GNB5: variants seen among roughly 807,000 people sequenced by gnomAD.
GNB5 encodes the protein G protein subunit beta 5, also known as guanine nucleotide-binding protein subunit beta-5.
GNB5 carries 37 observed loss-of-function variants against 55.3 expected under a neutral mutation model. That is an observed-to-expected ratio of 0.67 (90% CI 0.51 to 0.88). The LOEUF (loss-of-function observed/expected upper bound fraction) is 0.88, where lower values mean the gene tolerates loss of function less well. GNB5 is among the 40% of genes least tolerant of loss of function. GNB5 has a pLI of 0.00. For missense variants in GNB5, 476 were observed against 515.3 expected (o/e 0.92, Z 0.74); for synonymous variants, 219 against 198.5 (o/e 1.10, Z -0.87).
chr15:52,152,842 C>G (rs2034128389), intron 4 of GNB5, among the ~76,000 whole-genome samples: 1 of 152,154 alleles, frequency 6.6e-6, no homozygotes, highest in African/African-American at 2.4e-5. Context: ...ACCATTTGGT[C>G]TCGAACTCCT....
intron 7 of GNB5, chr15:52,136,937 C>T (rs2033739192): frequency 2.2e-6 from 1 of 447,538 alleles, no homozygotes; most frequent in African/African-American, 2.0e-5. Flanking sequence ...CAGAAAATAC[C>T]TGCTCCTGGG....
In GNB5 at chr15:52,145,953, CTT is replaced by C. The variant is rs937011704; in HGVS notation, c.494+1504_494+1505del. Reference sequence around the variant, plus strand: ...GTTCCTCCCAGCCTTTATAATATGACTTTTTTTTTTTTTTTTTTTTTGAGATG... The same window carrying C: ...GTTCCTCCCAGCCTTTATAATATGACTTTTTTTTTTTTTTTTTTTGAGATG... On this transcript the variant is annotated intron_variant, in intron 6 of 12. Transcript: ENST00000261837. 3.7e-3 allele frequency among the ~76,000 whole-genome samples: 474 copies of C among 127,490 alleles called. 4 individuals carry two copies. The East Asian group carries it at 0.056, about 15-fold the overall frequency. 83.6% of individuals were successfully genotyped at this position (127,490 alleles called of 152,430 possible).
chr15:52,188,003 CA>C (rs983889185), intron 1 of GNB5, among the ~76,000 whole-genome samples: 9 of 151,508 alleles, frequency 5.9e-5, no homozygotes, highest in Non-Finnish European at 5.9e-5. Context: ...CAGAAGGACA[CA>C]AAAAGGGGAA....
At chr15:52,165,452 C>A (rs1327871026) in intron 3 of GNB5, among the ~76,000 whole-genome samples, 1 of 152,198 alleles carries the variant, frequency 6.6e-6, no homozygotes, top group East Asian at 1.9e-4. Context: ...ATGTTAAGGG[C>A]AGCCAGAGAG....
rs139634938 is a variant in GNB5, at chr15:52,135,621, C to T, written c.763G>A (p.Val255Met). ...TTCCACTGGGTCTTTACCCCAGACA[C>T]GAAGGTGTTTCCAGTTTCTGAGGGG... ...LAPSETGNTF[V>M]SGGCDKKAMV... The change falls in exon 8 of 13, where the codon GTG becomes ATG. Residue 255 changes from valine to methionine, a missense_variant. By Grantham distance (21) the Val-to-Met change is conservative (BLOSUM62 1). Transcript: ENST00000261837. 2.5e-6 allele frequency: 4 copies of T among 1,613,756 alleles called. No individual in the cohort carries two copies. Among genetic ancestry groups the T allele is most frequent in the Non-Finnish European group, 2.5e-6 (3 of 1,179,818 alleles).
rs367720003 is a variant in GNB5, at chr15:52,133,430, C to T, written c.811G>A (p.Gly271Ser). Residue 271 changes from glycine to serine, a missense_variant, in exon 9 of 13, where the codon GGC becomes AGC. Gly to Ser is a moderately conservative substitution (Grantham distance 56, BLOSUM62 0). Transcript: ENST00000261837. ...KKAMVWDMRS[G>S]QCVQAFETHE... The stretch of plus-strand genomic sequence containing the variant: ...GTTTCAAAGGCCTGCACGCACTGGC[C>T]GGAGCGCATGTCCCACACCATGGCT... The T allele has an allele frequency of 6.0e-5, 97 of 1,613,326 alleles. No homozygotes were observed. The highest frequency in any genetic ancestry group is 7.5e-5 in the Non-Finnish European group (89 of 1,179,336).
chr15:52,164,901 T>C (rs964017757), intron 3 of GNB5, among the ~76,000 whole-genome samples: 32 of 152,190 alleles, frequency 2.1e-4, no homozygotes, highest in African/African-American at 7.7e-4. Flanking sequence ...AGGTGGGTAA[T>C]AATGAACTTC....
chr15:52,190,137 A>G (rs917888452), intron 1 of GNB5, among the ~76,000 whole-genome samples: 11 of 131,618 alleles, frequency 8.4e-5, no homozygotes, highest in South Asian at 2.4e-4. Context: ...TTTTTTTTTT[A>G]GACAGAGTCT....
intron 2 of GNB5, 67 bp from the exon 3 acceptor site, chr15:52,179,946 G>A: frequency 3.5e-6 from 5 of 1,428,794 alleles, no homozygotes; most frequent in Non-Finnish European, 2.8e-6. Flanking sequence ...GGCGGGCGCC[G>A]CTCCAGCAGC....
At chr15:52,156,469 C>T (rs1157436262) in intron 3 of GNB5, among the ~76,000 whole-genome samples, 2 of 152,232 alleles carry the variant, frequency 1.3e-5, no homozygotes, top group South Asian at 2.1e-4. Flanking sequence ...CAGTGGCTCA[C>T]GCCTGTAATC....
intron 3 of GNB5, among the ~76,000 whole-genome samples, chr15:52,154,691 G>GC (rs1476569840): frequency 5.3e-5 from 8 of 152,320 alleles, no homozygotes; most frequent in African/African-American, 1.9e-4. Context: ...CCTGGACATG[G>GC]CAGGTTCCTC....
chr15:52,186,694 G>A (rs1442355121), intron 1 of GNB5, among the ~76,000 whole-genome samples: 5 of 152,286 alleles, frequency 3.3e-5, no homozygotes, highest in East Asian at 1.9e-4. Flanking sequence ...AATTGGGGGC[G>A]CTGGTCTGAA....
intron 6 of GNB5, among the ~76,000 whole-genome samples, chr15:52,143,287 A>C (rs1458534157): frequency 6.6e-6 from 1 of 152,166 alleles, no homozygotes; most frequent in Non-Finnish European, 1.5e-5. Flanking sequence ...CCCCATCCTG[A>C]GTAATTTCTC....
At position 52,117,636 on chromosome 15, in the gene GNB5, C is replaced by T. The variant is rs942458739; in HGVS notation, c.*5121G>A. On this transcript the variant is annotated 3_prime_UTR_variant, in exon 13 of 13. Coordinates refer to ENST00000261837, the MANE Select transcript of GNB5 (RefSeq NM_016194.4). The stretch of plus-strand genomic sequence containing the variant: ...CCCTGAAGGCCAGCCTGGCTCCAGC[C>T]AAGTGCTGTCTAGAAGCAGGAGTCT... 6.6e-6 allele frequency: 1 copy of T among 152,360 alleles called. No homozygotes were observed. Among genetic ancestry groups the T allele is most frequent in the African/African-American group, 2.4e-5 (1 of 41,476 alleles). 9.4% of individuals were successfully genotyped at this position (152,360 alleles called of 1,614,324 possible).
At chr15:52,168,889 A>G (rs1055673063) in intron 3 of GNB5, among the ~76,000 whole-genome samples, 2 of 152,226 alleles carry the variant, frequency 1.3e-5, no homozygotes, top group Non-Finnish European at 2.9e-5. Context: ...CTATTTAATA[A>G]ATAGTGTTAG....
intron 12 of GNB5, among the ~76,000 whole-genome samples, chr15:52,123,125 T>G (rs1283605213): frequency 6.6e-6 from 1 of 152,158 alleles, no homozygotes; most frequent in African/African-American, 2.4e-5. Flanking sequence ...TTAACATGAC[T>G]ACTCACTTAG....
At chr15:52,129,238 G>A (rs567325994) in intron 9 of GNB5, among the ~76,000 whole-genome samples, 1 of 152,282 alleles carries the variant, frequency 6.6e-6, no homozygotes, top group South Asian at 2.1e-4. Flanking sequence ...TTACAGGCGT[G>A]AGTCACCGCA....
chr15:52,170,458 A>T (rs1003483617), intron 3 of GNB5, among the ~76,000 whole-genome samples: 19 of 152,176 alleles, frequency 1.2e-4, no homozygotes, highest in Non-Finnish European at 2.1e-4. Flanking sequence ...AGAAACAGAA[A>T]ACCAAACACC....
rs2033183249 is a variant in GNB5, at chr15:52,118,268, G to A, written c.*4489C>T. On this transcript the variant is annotated 3_prime_UTR_variant, in exon 13 of 13. Transcript: ENST00000261837. The stretch of plus-strand genomic sequence containing the variant: ...AAGGGCTCATTAGCCCAGATCAGCT[G>A]TTCTCAAAGCAAGATCCAGGGCCCC... The A allele has an allele frequency of 6.6e-6, 1 of 152,170 alleles. No homozygotes were observed. Among genetic ancestry groups the A allele is most frequent in the African/African-American group, 2.4e-5 (1 of 41,434 alleles). 9.4% of individuals were successfully genotyped at this position (152,170 alleles called of 1,614,324 possible).
Sources: allele counts gnomAD v4.1 joint callset (sites outside exome capture counted in the v4.1 genomes callset), GRCh38; gene constraint gnomAD v4.1.1; transcripts MANE v1.5; gene names NCBI Gene and HGNC (gene_info 2026-07-23, HGNC 2026-07-21).